The following MCC variants were observed in gnomAD, a reference collection of about 807,000 sequenced individuals.
The protein encoded by MCC is MCC regulator of Wnt signaling pathway.
MCC carries 90 observed loss-of-function variants against 116.2 expected under a neutral mutation model. That is an observed-to-expected ratio of 0.77 (90% CI 0.65 to 0.92). MCC has a LOEUF of 0.92. Among genes scored for constraint, MCC ranks in the 40% least tolerant of loss-of-function variants. The pLI, the probability that MCC is intolerant of heterozygous loss-of-function variation, is 0.00. For missense variants in MCC, 1,516 were observed against 1,312.2 expected (o/e 1.16, Z -2.40); for synonymous variants, 578 against 510.5 (o/e 1.13, Z -1.78).
chr5:113,173,411 C>A (rs1761172575), intron 3 of MCC, among the ~76,000 whole-genome samples: 1 of 152,138 alleles, frequency 6.6e-6, no homozygotes, highest in African/African-American at 2.4e-5. Context: ...CTCTAAATGA[C>A]AATATTATGT....
At chr5:113,155,151 A>C (rs7714691) in intron 3 of MCC, among the ~76,000 whole-genome samples, 18,649 of 152,070 alleles carry the variant, frequency 0.12, 1,531 homozygotes, top group African/African-American at 0.23. Flanking sequence ...CTTTATGTGC[A>C]TGGCTTACTT....
At chr5:113,056,544 AG>A (rs1405783645) in intron 14 of MCC, among the ~76,000 whole-genome samples, 7 of 152,216 alleles carry the variant, frequency 4.6e-5, no homozygotes, top group African/African-American at 1.7e-4. Flanking sequence ...GAACACAAAG[AG>A]GGGAACAACA....
At chr5:113,486,353 CTTCT>C (rs879866415) in intron 1 of MCC, among the ~76,000 whole-genome samples, 3 of 152,222 alleles carry the variant, frequency 2.0e-5, no homozygotes, top group South Asian at 2.1e-4. Context: ...TCCAAAACGG[CTTCT>C]TTATCACCAC....
chr5:113,269,912 T>C (rs966655400), intron 3 of MCC, among the ~76,000 whole-genome samples: 24 of 152,240 alleles, frequency 1.6e-4, no homozygotes, highest in African/African-American at 5.5e-4. Context: ...CATAACTGCA[T>C]ATTTTTTCTA....
intron 3 of MCC, among the ~76,000 whole-genome samples, chr5:113,192,414 A>G (rs890580946): frequency 2.6e-5 from 4 of 152,206 alleles, no homozygotes; most frequent in African/African-American, 9.7e-5. Context: ...ATGGGATTAC[A>G]TATTGTCTGT....
At chr5:113,200,418 G>A (rs1338773183) in intron 3 of MCC, among the ~76,000 whole-genome samples, 2 of 152,196 alleles carry the variant, frequency 1.3e-5, no homozygotes, top group African/African-American at 4.8e-5. Context: ...ACGAGTTGCT[G>A]TGAGGATACA....
chr5:113,071,554 C>A (rs1754045145), intron 11 of MCC, among the ~76,000 whole-genome samples: 2 of 152,306 alleles, frequency 1.3e-5, no homozygotes. Context: ...TGTGCAACCT[C>A]CAGGCCGCCA....
chr5:113,377,171 G>A (rs192192268), intron 2 of MCC, among the ~76,000 whole-genome samples: 1 of 152,304 alleles, frequency 6.6e-6, no homozygotes, highest in Non-Finnish European at 1.5e-5. Context: ...GGTCACATTT[G>A]CATTCTCTCT....
intron 11 of MCC, among the ~76,000 whole-genome samples, chr5:113,081,371 A>C (rs1198896920): frequency 6.6e-6 from 1 of 152,226 alleles, no homozygotes; most frequent in African/African-American, 2.4e-5. Context: ...CTCTACCCTC[A>C]CAAGCTGAGG....
intron 8 of MCC, among the ~76,000 whole-genome samples, chr5:113,091,883 GACACACACACACACACACACCACACAAAC>G (rs1241781344): frequency 6.7e-6 from 1 of 149,796 alleles, no homozygotes. Flanking sequence ...ATGAGACTCA[GACACACACACACACACACACCACACAAAC>G]ACACACACAC....
chr5:113,240,746 A>G (rs867146341), intron 3 of MCC, among the ~76,000 whole-genome samples: 2 of 152,330 alleles, frequency 1.3e-5, no homozygotes, highest in South Asian at 4.1e-4. Flanking sequence ...CAGTTAATGT[A>G]CCAGTTGCTG....
At chr5:113,286,204 G>C (rs1766251743) in intron 3 of MCC, among the ~76,000 whole-genome samples, 2 of 152,202 alleles carry the variant, frequency 1.3e-5, no homozygotes, top group South Asian at 4.1e-4. Context: ...GAGACACCGG[G>C]GGCCGCTGGG....
chr5:113,120,551 T>C (rs111520196), intron 6 of MCC, among the ~76,000 whole-genome samples: 20 of 152,294 alleles, frequency 1.3e-4, no homozygotes, highest in African/African-American at 4.8e-4. Flanking sequence ...GGCTGACTGG[T>C]GGATTGGTTT....
intron 18 of MCC, among the ~76,000 whole-genome samples, chr5:113,028,173 T>C (rs766661865): frequency 2.6e-5 from 4 of 152,120 alleles, no homozygotes; most frequent in Admixed American, 6.6e-5. Context: ...ATTCAGGAGG[T>C]CTGTGAGGTC....
At chr5:113,257,844 G>C (rs1223444488) in intron 3 of MCC, among the ~76,000 whole-genome samples, 1 of 152,174 alleles carries the variant, frequency 6.6e-6, no homozygotes, top group African/African-American at 2.4e-5. Flanking sequence ...ATGTTCCCGA[G>C]GGAGGGGAAA....
intron 1 of MCC, among the ~76,000 whole-genome samples, chr5:113,466,801 C>A (rs947620187): frequency 2.0e-5 from 3 of 151,942 alleles, no homozygotes; most frequent in Non-Finnish European, 2.9e-5. Context: ...GTCCCACCAA[C>A]AGTGTAAAAG....
chr5:113,334,284 T>C (rs977492306), intron 3 of MCC, among the ~76,000 whole-genome samples: 1 of 150,682 alleles, frequency 6.6e-6, no homozygotes, highest in Non-Finnish European at 1.5e-5. Flanking sequence ...CTTGGCTCAC[T>C]GTAACTTTCA....
chr5:113,096,401 C>T (rs7713290), intron 8 of MCC, among the ~76,000 whole-genome samples: 69,313 of 152,090 alleles, frequency 0.46, 17,361 homozygotes, highest in African/African-American at 0.68. Flanking sequence ...CACACATCCT[C>T]TCAAAGAGCT....
chr5:113,182,649 A>T (rs746435095), intron 3 of MCC, among the ~76,000 whole-genome samples: 1 of 152,222 alleles, frequency 6.6e-6, no homozygotes, highest in Non-Finnish European at 1.5e-5. Flanking sequence ...CTCACAGGGA[A>T]ATATTAATGC....
Sources: gnomAD v4.1 joint callset for allele counts (sites outside exome capture counted in the v4.1 genomes callset) on GRCh38, gnomAD v4.1.1 for gene constraint, MANE v1.5 for transcripts, NCBI Gene and HGNC (gene_info 2026-07-23, HGNC 2026-07-21) for gene names.